ZNF407: variants seen among roughly 807,000 people sequenced by gnomAD.
ZNF407 encodes zinc finger protein 407.
In ZNF407, 17 loss-of-function variants were observed where a neutral mutation model predicts 131.2. The observed-to-expected ratio is 0.13, with a 90% CI of 0.09 to 0.19. The LOEUF (loss-of-function observed/expected upper bound fraction) is 0.19, where lower values mean the gene tolerates loss of function less well. Ranked by LOEUF, ZNF407 falls within the 10% of genes least tolerant of loss-of-function variation. ZNF407 has a pLI of 1.00. For missense variants in ZNF407, 2,681 were observed against 2,830.6 expected, an observed-to-expected ratio of 0.95 and a Z score of 1.20; for synonymous variants, 1,156 against 1,062.0, an observed-to-expected ratio of 1.09 and a Z score of -1.72.
intron 1 of ZNF407, among the ~76,000 whole-genome samples, chr18:74,610,292 C>G (rs1173310302): frequency 6.6e-6 from 1 of 152,156 alleles, no homozygotes; most frequent in Non-Finnish European, 1.5e-5. Flanking sequence ...GCCACATTAG[C>G]TTTACTTTTA....
At chr18:74,849,135 G>A (rs1377020634) in intron 4 of ZNF407, among the ~76,000 whole-genome samples, 7 of 148,452 alleles carry the variant, frequency 4.7e-5, no homozygotes, top group African/African-American at 1.7e-4. Flanking sequence ...CTGGAGTGCA[G>A]TGGCGCAATC....
At chr18:74,809,499 T>G (rs1970162980) in intron 4 of ZNF407, among the ~76,000 whole-genome samples, 1 of 152,242 alleles carries the variant, frequency 6.6e-6, no homozygotes, top group Non-Finnish European at 1.5e-5. Context: ...AATGATGGTT[T>G]CTTTGGTGTC....
rs374050742 is a variant in ZNF407 at position 74,640,963 on chromosome 18, T to C, written c.4688-45T>C. 1.1e-4 allele frequency: 151 copies of C among 1,366,030 alleles called. No individual in the cohort carries two copies. The African/African-American group carries it at 1.9e-3, about 17-fold the overall frequency. The allele number at this position is 1,366,030 out of a possible 1,614,324, so 84.6% of individuals were successfully genotyped here. On this transcript the variant is annotated intron_variant, in intron 2 of 8. Coordinates refer to ENST00000299687, the MANE Select transcript of ZNF407 (RefSeq NM_017757.3). ...GTCCTCTTTTCTAAGCTATTGGTGA[T>C]GTATTATTCAAAATCAAATCATATT...
chr18:74,675,008 T>C (rs1164315868), intron 3 of ZNF407, among the ~76,000 whole-genome samples: 1 of 152,232 alleles, frequency 6.6e-6, no homozygotes, highest in Admixed American at 6.5e-5. Context: ...TTGTGTTTTC[T>C]GAAGATGTCT....
chr18:74,775,358 A>G (rs1969446834), intron 3 of ZNF407, among the ~76,000 whole-genome samples: 1 of 152,212 alleles, frequency 6.6e-6, no homozygotes, highest in Non-Finnish European at 1.5e-5. Flanking sequence ...CAATGTTTAG[A>G]TCATAGTTCA....
intron 1 of ZNF407, among the ~76,000 whole-genome samples, chr18:74,611,314 T>G (rs1983050008): frequency 6.6e-6 from 1 of 152,196 alleles, no homozygotes; most frequent in Non-Finnish European, 1.5e-5. Flanking sequence ...TAGCTTTTGT[T>G]TATTAAGAGA....
intron 4 of ZNF407, among the ~76,000 whole-genome samples, chr18:74,791,204 T>C (rs1397232895): frequency 1.3e-5 from 2 of 152,186 alleles, no homozygotes; most frequent in Admixed American, 6.5e-5. Context: ...ATTAAGGCAC[T>C]CTTTGATACT....
At chr18:74,995,697 A>G (rs559802321) in intron 8 of ZNF407, among the ~76,000 whole-genome samples, 24 of 152,222 alleles carry the variant, frequency 1.6e-4, no homozygotes, top group African/African-American at 5.3e-4. Context: ...GAGGGTGACA[A>G]TGCTGGGCCC....
chr18:74,798,716 T>G (rs566264067), intron 4 of ZNF407, among the ~76,000 whole-genome samples: 1 of 152,264 alleles, frequency 6.6e-6, no homozygotes, highest in African/African-American at 2.4e-5. Flanking sequence ...GATATTATCT[T>G]TGTTGGAGGA....
Position 74,718,829 on chromosome 18 carries a change from T to A in ZNF407, c.4803-62599T>A, listed in dbSNP as rs191959144. Among the ~76,000 whole-genome samples the A allele has an allele frequency of 6.3e-3, 953 of 152,334 alleles. 7 individuals are homozygous for A. The highest frequency in any genetic ancestry group is 0.021 in the African/African-American group (891 of 41,574). On this transcript the variant is annotated intron_variant, in intron 3 of 8. Transcript: ENST00000299687. Reference sequence around the variant, plus strand: ...ATTTTCTTCGTTAAGTAATTTCGTATCTCCTATGAAAGGAAATAACTTTAT... The same window carrying A: ...ATTTTCTTCGTTAAGTAATTTCGTAACTCCTATGAAAGGAAATAACTTTAT...
chr18:75,045,095 GT>G (rs1973418591), intron 8 of ZNF407, among the ~76,000 whole-genome samples: 2 of 147,894 alleles, frequency 1.4e-5, no homozygotes, highest in African/African-American at 5.0e-5. Context: ...GGGGGTGTGG[GT>G]GGGGTGTGTG....
intron 4 of ZNF407, among the ~76,000 whole-genome samples, chr18:74,794,346 C>T (rs1038938644): frequency 1.3e-5 from 2 of 151,636 alleles, no homozygotes; most frequent in Non-Finnish European, 2.9e-5. Flanking sequence ...TCTTTAGTGG[C>T]GTAATTCATA....
At chr18:74,889,881 T>C (rs1003017391) in intron 6 of ZNF407, 37 bp from the exon 7 acceptor site, 11 of 1,569,242 alleles carry the variant, frequency 7.0e-6, no homozygotes, top group African/African-American at 5.4e-5. Flanking sequence ...CCAGTTGTTA[T>C]TATTATTCAT....
intron 3 of ZNF407, among the ~76,000 whole-genome samples, chr18:74,656,744 A>G (rs1440054589): frequency 6.6e-6 from 1 of 152,192 alleles, no homozygotes; most frequent in African/African-American, 2.4e-5. Flanking sequence ...ATTAGGATCA[A>G]ATGTAGCTGA....
In ZNF407 at chr18:74,634,360, A is replaced by G. The variant is rs185745193; in HGVS notation, c.3341A>G (p.Gln1114Arg). The G allele has an allele frequency of 6.8e-6, 11 of 1,613,922 alleles. No individual in the cohort carries two copies. In the East Asian group the frequency reaches 2.0e-4, roughly 29 times the overall value. ...GAGGAATTTCAAATAATTTCAGGTC[A>G]ACCATCTGATACTCTTAAATCTAGA... is the stretch of plus-strand genomic sequence containing the variant. ...NSEEFQIISG[Q>R]PSDTLKSRNA... The change falls in exon 2 of 9, where the codon CAA becomes CGA. Residue 1114 changes from glutamine (Q) to arginine (R), a missense_variant. Gln to Arg is a conservative substitution (Grantham distance 43, BLOSUM62 1). This residue lies in a region of ZNF407 where 1,789 missense variants were observed against 1,748.7 expected (regional missense o/e 1.02). Coordinates refer to ENST00000299687, the MANE Select transcript of ZNF407 (RefSeq NM_017757.3).
chr18:75,048,324 G>T lies in ZNF407; in HGVS notation c.5429-14826G>T, dbSNP rs1973459537. Among the ~76,000 whole-genome samples, 1 of 152,212 alleles carries T rather than the reference G, an allele frequency of 6.6e-6. No individual in the cohort carries two copies. Among genetic ancestry groups the T allele is most frequent in the Admixed American group, 6.5e-5 (1 of 15,278 alleles). On this transcript the variant is annotated intron_variant, in intron 8 of 8. Coordinates refer to ENST00000299687, the MANE Select transcript of ZNF407 (RefSeq NM_017757.3). This position sits in a 1 kb window ranked among gnomAD's most constrained non-coding sequence, Gnocchi z 4.1. Reference sequence around the variant, plus strand: ...GTATTTCTTTTTGGCATTTGCCATGGTTGGTCCCTCTCTTCTTTCTTCCCT... The same window carrying T: ...GTATTTCTTTTTGGCATTTGCCATGTTTGGTCCCTCTCTTCTTTCTTCCCT...
intron 8 of ZNF407, among the ~76,000 whole-genome samples, chr18:74,928,399 C>A (rs1369314531): frequency 6.6e-6 from 1 of 152,064 alleles, no homozygotes; most frequent in Non-Finnish European, 1.5e-5. Context: ...TAACTGACTG[C>A]AGAGAGAATA....
intron 7 of ZNF407, among the ~76,000 whole-genome samples, chr18:74,920,233 G>T (rs969359519): frequency 6.6e-6 from 1 of 152,054 alleles, no homozygotes; most frequent in Non-Finnish European, 1.5e-5. Flanking sequence ...GCCCTCGAGT[G>T]GTACCAGAAT....
intron 8 of ZNF407, among the ~76,000 whole-genome samples, chr18:74,973,155 TA>T (rs1253446172): frequency 6.6e-6 from 1 of 152,102 alleles, no homozygotes; most frequent in Non-Finnish European, 1.5e-5. Context: ...TGTGTGTGTA[TA>T]AACATTATAA....
Sources: gnomAD v4.1 joint callset for allele counts (sites outside exome capture counted in the v4.1 genomes callset) on GRCh38, gnomAD v4.1.1 for gene constraint, gnomAD v4.1.1 regional missense constraint, Gnocchi (gnomAD v3.1) non-coding constraint, MANE v1.5 for transcripts, NCBI Gene and HGNC (gene_info 2026-07-23, HGNC 2026-07-21) for gene names.